The following MCPH1 variants were observed in gnomAD, a reference collection of about 807,000 sequenced individuals.
MCPH1 encodes microcephalin.
In MCPH1, 104 loss-of-function variants were observed where a neutral mutation model predicts 84.5. That is an observed-to-expected ratio of 1.23 (90% CI 1.05 to 1.45). MCPH1 has a LOEUF of 1.45. Ranked by LOEUF, MCPH1 falls within the 40% of genes most tolerant of loss-of-function variation. The probability of loss-of-function intolerance (pLI) is 0.00; values close to 1 mark genes in which losing one functional copy is unlikely to be tolerated. For synonymous variants in MCPH1, 514 were observed against 366.8 expected (o/e 1.40, Z -4.58); for missense variants, 1,498 against 1,005.7 (o/e 1.49, Z -6.62).
chr8:6,406,720 G>A (rs759706192), intron 1 of MCPH1, 31 bp downstream of exon 1: 4 of 1,610,804 alleles, frequency 2.5e-6, no homozygotes, highest in Admixed American at 1.7e-5. Flanking sequence ...TGCTCCAGCA[G>A]CGGGAGTTTG....
chr8:6,606,879 T>C (rs1419214756), intron 12 of MCPH1, among the ~76,000 whole-genome samples: 1 of 152,208 alleles, frequency 6.6e-6, no homozygotes. Context: ...CTCTCTTCTC[T>C]TGTTTGCCAC....
At chr8:6,519,868 A>G in intron 12 of MCPH1, 1 of 1,613,870 alleles carries the variant, frequency 6.2e-7, no homozygotes, top group Non-Finnish European at 8.5e-7. Flanking sequence ...CCTCACCTTG[A>G]TCTCTTCTGT....
chr8:6,416,386 G>A (rs112487700), intron 3 of MCPH1, among the ~76,000 whole-genome samples: 13 of 152,278 alleles, frequency 8.5e-5, no homozygotes, highest in African/African-American at 2.6e-4. Flanking sequence ...TTGTGTTGTT[G>A]CTCATCTTTG....
chr8:6,480,203 A>G (rs1220947777), intron 10 of MCPH1, among the ~76,000 whole-genome samples: 1 of 149,584 alleles, frequency 6.7e-6, no homozygotes, highest in African/African-American at 2.5e-5. Flanking sequence ...GGCTCACTGC[A>G]ACCTCCACCT....
At chr8:6,592,024 G>C (rs934036503) in intron 12 of MCPH1, among the ~76,000 whole-genome samples, 1 of 152,194 alleles carries the variant, frequency 6.6e-6, no homozygotes, top group Non-Finnish European at 1.5e-5. Flanking sequence ...AGCTCTGTTA[G>C]AGTATCATCA....
intron 13 of MCPH1, among the ~76,000 whole-genome samples, chr8:6,641,002 AT>A: frequency 6.6e-6 from 1 of 151,822 alleles, no homozygotes; most frequent in Non-Finnish European, 1.5e-5. Context: ...GCTGACCTCT[AT>A]TTTACTGCTA....
intron 3 of MCPH1, among the ~76,000 whole-genome samples, chr8:6,423,873 T>C (rs1046235916): frequency 2.0e-5 from 3 of 152,240 alleles, no homozygotes; most frequent in Non-Finnish European, 4.4e-5. Flanking sequence ...AGTTCTTCTT[T>C]CTAATTTGTA....
chr8:6,537,088 C>A (rs1429151026), intron 12 of MCPH1, among the ~76,000 whole-genome samples: 3 of 152,082 alleles, frequency 2.0e-5, no homozygotes, highest in Non-Finnish European at 4.4e-5. Flanking sequence ...GAACTGCTCT[C>A]ATCAAAACAG....
chr8:6,542,764 G>T (rs1172562801), intron 12 of MCPH1, among the ~76,000 whole-genome samples: 1 of 152,128 alleles, frequency 6.6e-6, no homozygotes, highest in East Asian at 1.9e-4. Flanking sequence ...GAGCTCTGTG[G>T]AGGAGGTAGC....
intron 11 of MCPH1, among the ~76,000 whole-genome samples, chr8:6,484,595 C>G (rs890217595): frequency 2.0e-5 from 3 of 152,236 alleles, no homozygotes; most frequent in African/African-American, 7.2e-5. Context: ...CCTTACTTAT[C>G]ATCAGCTGGA....
intron 12 of MCPH1, among the ~76,000 whole-genome samples, chr8:6,506,747 T>C (rs1448372083): frequency 1.3e-5 from 2 of 151,174 alleles, no homozygotes; most frequent in South Asian, 2.1e-4. Context: ...TACCAAATAG[T>C]AGTCATATTA....
chr8:6,472,726 C>T (rs1049679484), intron 9 of MCPH1, among the ~76,000 whole-genome samples: 2 of 152,138 alleles, frequency 1.3e-5, no homozygotes, highest in African/African-American at 4.8e-5. Flanking sequence ...CCTCGGCTTC[C>T]CAAAGTGCTG....
At chr8:6,436,482 C>G (rs1355319447) in intron 5 of MCPH1, among the ~76,000 whole-genome samples, 1 of 152,018 alleles carries the variant, frequency 6.6e-6, no homozygotes, top group Non-Finnish European at 1.5e-5. Flanking sequence ...TTTATTTCTT[C>G]TTTATATATA....
chr8:6,601,998 A>T (rs1829410901), intron 12 of MCPH1, among the ~76,000 whole-genome samples: 1 of 152,248 alleles, frequency 6.6e-6, no homozygotes, highest in South Asian at 2.1e-4. Flanking sequence ...CTTCTGCTAG[A>T]TGATGAGCTT....
chr8:6,617,277 G>GTTTTTTTTTTTT (rs71213326), intron 12 of MCPH1: 5 of 114,642 alleles, frequency 4.4e-5, no homozygotes, highest in African/African-American at 1.8e-4. Flanking sequence ...TGTTTTTTTT[G>GTTTTTTTTTTTT]TTTTTTTTTT....
chr8:6,625,923 GTTTCT>G (rs1832029712), intron 13 of MCPH1: 1 of 985,020 alleles, frequency 1.0e-6, no homozygotes, highest in Non-Finnish European at 1.2e-6. Context: ...TCTCTGAGAA[GTTTCT>G]TTTCTTTTCC....
At chr8:6,490,937 TTAA>T (rs1468958028) in intron 11 of MCPH1, among the ~76,000 whole-genome samples, 3 of 83,606 alleles carry the variant, frequency 3.6e-5, no homozygotes, top group Admixed American at 1.6e-4. Context: ...ATTGTATATA[TTAA>T]TAATATAATA....
chr8:6,501,171 C>G (rs1812105304), intron 12 of MCPH1: 2 of 152,200 alleles, frequency 1.3e-5, no homozygotes, highest in Admixed American at 6.5e-5. Context: ...GGAAATAAAA[C>G]AGAGCCTTGA....
chr8:6,627,147 T>C (rs1199226370), intron 13 of MCPH1: 2 of 983,886 alleles, frequency 2.0e-6, no homozygotes, highest in Admixed American at 1.2e-4. Context: ...AATGACTGAC[T>C]GACCAGAAAA....
Sources: allele counts gnomAD v4.1 joint callset (sites outside exome capture counted in the v4.1 genomes callset), GRCh38; gene constraint gnomAD v4.1.1; transcripts MANE v1.5; gene names NCBI Gene and HGNC (gene_info 2026-07-23, HGNC 2026-07-21).